The following SPACA7 variants were observed in gnomAD, a reference collection of about 807,000 sequenced individuals.
SPACA7 encodes sperm acrosome associated 7.
A neutral mutation model predicts 26.3 loss-of-function variants in SPACA7; 19 were observed. That is an observed-to-expected ratio of 0.72 (90% CI 0.50 to 1.06). The LOEUF is 1.06. Ranked by LOEUF, SPACA7 falls within the 50% of genes least tolerant of loss-of-function variation. The pLI is 0.00. For missense variants in SPACA7, 211 were observed against 229.9 expected (o/e 0.92, Z 0.53); for synonymous variants, 84 against 84.5 (o/e 0.99, Z 0.04).
At chr13:112,419,694 C>T (rs1406943809) in intron 5 of SPACA7, among the ~76,000 whole-genome samples, 1 of 152,204 alleles carries the variant, frequency 6.6e-6, no homozygotes, top group East Asian at 1.9e-4. Flanking sequence ...AGACCAACCA[C>T]TGTAAAAGGC....
chr13:112,403,300 T>C (rs1885764516), intron 5 of SPACA7, among the ~76,000 whole-genome samples: 1 of 152,198 alleles, frequency 6.6e-6, no homozygotes, highest in East Asian at 1.9e-4. Flanking sequence ...TTAAAAAAAC[T>C]TACTTGTTTC....
Position 112,378,426 on chromosome 13 carries a change from T to C in SPACA7, c.94+1947T>C, listed in dbSNP as rs545427125. 6.6e-5 allele frequency among the ~76,000 whole-genome samples: 10 copies of C among 152,350 alleles called. No homozygotes were observed. In the South Asian group the frequency reaches 1.9e-3, roughly 28 times the overall value. ...TAATGCTATTCTTGTCTCAAAAATA[T>C]ATCACATCTTACAAGATTTGGTCTG... On this transcript the variant is annotated intron_variant, in intron 1 of 6. Transcript: ENST00000283550.
chr13:112,419,701 AG>A (rs1303655925), intron 5 of SPACA7, among the ~76,000 whole-genome samples: 2 of 152,206 alleles, frequency 1.3e-5, no homozygotes, highest in Non-Finnish European at 1.5e-5. Context: ...CCACTGTAAA[AG>A]GCAAAGTTTG....
chr13:112,422,532 TC>T (rs922847969), intron 5 of SPACA7, among the ~76,000 whole-genome samples: 1 of 152,222 alleles, frequency 6.6e-6, no homozygotes, highest in Non-Finnish European at 1.5e-5. Context: ...ACATCCACCA[TC>T]TTTTTGACCA....
At chr13:112,429,332 T>G (rs1876840887) in intron 5 of SPACA7, among the ~76,000 whole-genome samples, 1 of 151,130 alleles carries the variant, frequency 6.6e-6, no homozygotes, top group Admixed American at 6.6e-5. Flanking sequence ...GCCAAGATGG[T>G]GCCACTGCAC....
intron 5 of SPACA7, among the ~76,000 whole-genome samples, chr13:112,410,644 A>C (rs1191277903): frequency 6.6e-6 from 1 of 152,152 alleles, no homozygotes; most frequent in Non-Finnish European, 1.5e-5. Context: ...GACTATTAAA[A>C]AAATAGTGAG....
intron 5 of SPACA7, among the ~76,000 whole-genome samples, chr13:112,413,632 G>T (rs769830581): frequency 4.6e-5 from 7 of 151,902 alleles, no homozygotes; most frequent in Non-Finnish European, 1.0e-4. Context: ...TATTTCTCTA[G>T]GTTTGGAAAG....
intron 1 of SPACA7, among the ~76,000 whole-genome samples, chr13:112,379,489 A>C (rs1482880830): frequency 6.6e-6 from 1 of 152,256 alleles, no homozygotes; most frequent in Non-Finnish European, 1.5e-5. Flanking sequence ...TGTGACATAC[A>C]ACATTACAAG....
At chr13:112,382,984 C>T (rs1004760379) in intron 1 of SPACA7, among the ~76,000 whole-genome samples, 1 of 126,280 alleles carries the variant, frequency 7.9e-6, no homozygotes, top group African/African-American at 3.2e-5. Context: ...AGTGAAACTC[C>T]GTCTAAAAAG....
intron 1 of SPACA7, 108 bp downstream of exon 1, chr13:112,376,587 A>G (rs1184593329): frequency 1.7e-6 from 2 of 1,194,874 alleles, no homozygotes; most frequent in Middle Eastern, 2.0e-4. Context: ...TGAATTTACC[A>G]TTTATTCCTT....
At chr13:112,392,373 G>A (rs1884946293) in intron 1 of SPACA7, among the ~76,000 whole-genome samples, 2 of 152,080 alleles carry the variant, frequency 1.3e-5, no homozygotes, top group Admixed American at 1.3e-4. Context: ...TCCAGACCTC[G>A]GCATTTCACC....
At position 112,398,086 on chromosome 13, in the gene SPACA7, A is replaced by G. The variant is rs1885397885; in HGVS notation, c.189A>G (p.Lys63=). 2 of 1,613,926 alleles carry G rather than the reference A, an allele frequency of 1.2e-6. No homozygotes were observed. The highest frequency in any genetic ancestry group is 1.7e-6 in the Non-Finnish European group (2 of 1,179,922). ...ILVQEILDLN[K]TTPSEMPSTA... Reference sequence around the variant, plus strand: ...TCCAGGAGATTTTAGATCTGAATAAAACAACACCGAGCGAAATGCCAAGTA... The same window carrying G: ...TCCAGGAGATTTTAGATCTGAATAAGACAACACCGAGCGAAATGCCAAGTA... Residue 63 remains lysine, a synonymous_variant, in exon 3 of 7, where the codon AAA becomes AAG. Transcript: ENST00000283550.
At chr13:112,391,668 A>G (rs1214057180) in intron 1 of SPACA7, among the ~76,000 whole-genome samples, 3 of 152,252 alleles carry the variant, frequency 2.0e-5, no homozygotes, top group Non-Finnish European at 2.9e-5. Context: ...TAAAAACCGC[A>G]CGGATGTTAT....
At chr13:112,418,581 T>C (rs1886834319) in intron 5 of SPACA7, among the ~76,000 whole-genome samples, 1 of 152,202 alleles carries the variant, frequency 6.6e-6, no homozygotes, top group African/African-American at 2.4e-5. Flanking sequence ...GGTGACACTT[T>C]GGGTCAGAGG....
intron 6 of SPACA7, 68 bp downstream of exon 6, chr13:112,432,589 T>A: frequency 8.0e-7 from 1 of 1,244,480 alleles, no homozygotes; most frequent in Non-Finnish European, 1.2e-6. Flanking sequence ...GGGACAGGTG[T>A]GTCTCCGAGC....
intron 6 of SPACA7, among the ~76,000 whole-genome samples, chr13:112,434,248 A>G (rs1949428879): frequency 1.3e-5 from 2 of 152,008 alleles, no homozygotes; most frequent in Non-Finnish European, 2.9e-5. Flanking sequence ...TTTGAGGGAG[A>G]ACGCGGGGGA....
At chr13:112,425,994 G>A (rs1876501617) in intron 5 of SPACA7, among the ~76,000 whole-genome samples, 1 of 152,224 alleles carries the variant, frequency 6.6e-6, no homozygotes, top group Non-Finnish European at 1.5e-5. Context: ...CATATGTTTA[G>A]TCACTACTGG....
chr13:112,406,835 A>G (rs575804513), intron 5 of SPACA7, among the ~76,000 whole-genome samples: 40 of 152,214 alleles, frequency 2.6e-4, no homozygotes, highest in Non-Finnish European at 2.4e-4. Context: ...TAGGATATCC[A>G]GGAATTGAAC....
intron 5 of SPACA7, among the ~76,000 whole-genome samples, chr13:112,422,883 A>G (rs1167528197): frequency 6.6e-6 from 1 of 152,236 alleles, no homozygotes; most frequent in Non-Finnish European, 1.5e-5. Context: ...AGTTAAGCAG[A>G]ACTAACATCA....
Sources: gnomAD v4.1 joint callset for allele counts (sites outside exome capture counted in the v4.1 genomes callset) on GRCh38, gnomAD v4.1.1 for gene constraint, MANE v1.5 for transcripts, NCBI Gene and HGNC (gene_info 2026-07-23, HGNC 2026-07-21) for gene names.